The following ZNF277 variants were observed in gnomAD, a reference collection of about 807,000 sequenced individuals.
The protein encoded by ZNF277 is zinc finger protein 277.
Under a neutral mutation model 60.7 loss-of-function variants are expected in ZNF277, and 55 were observed. That is an observed-to-expected ratio of 0.91 (90% confidence interval 0.73 to 1.13). The LOEUF (loss-of-function observed/expected upper bound fraction) is 1.13, where lower values mean the gene tolerates loss of function less well. Ranked by LOEUF, ZNF277 falls within the 50% of genes most tolerant of loss-of-function variation. The pLI is 0.00. For missense variants in ZNF277, 510 were observed against 523.0 expected (o/e 0.98, Z 0.24); for synonymous variants, 178 against 179.3 (o/e 0.99, Z 0.06).
intron 4 of ZNF277, among the ~76,000 whole-genome samples, chr7:112,303,762 G>A (rs1348661953): frequency 6.6e-6 from 1 of 151,950 alleles, no homozygotes; most frequent in East Asian, 1.9e-4. Flanking sequence ...CCATGTGAAT[G>A]TTTAAATTCG....
intron 3 of ZNF277, 111 bp from the exon 4 acceptor site, chr7:112,296,118 C>A: frequency 1.0e-6 from 1 of 986,434 alleles, no homozygotes; most frequent in Non-Finnish European, 1.6e-6. Flanking sequence ...CAGTTCTATG[C>A]CAAAGAGATC....
chr7:112,335,063 A>T (rs1793303638), intron 7 of ZNF277, among the ~76,000 whole-genome samples: 1 of 152,058 alleles, frequency 6.6e-6, no homozygotes. Flanking sequence ...TGAATAATGG[A>T]TTTTCTTTCT....
intron 1 of ZNF277, among the ~76,000 whole-genome samples, chr7:112,238,831 G>A (rs554609967): frequency 8.7e-5 from 13 of 150,060 alleles, no homozygotes; most frequent in African/African-American, 1.2e-4. Context: ...TTTAGAGAGC[G>A]GGTGGTGTTA....
intron 1 of ZNF277, among the ~76,000 whole-genome samples, chr7:112,227,931 T>C (rs1371897695): frequency 6.6e-6 from 1 of 152,096 alleles, no homozygotes; most frequent in East Asian, 1.9e-4. Flanking sequence ...TGTTTGTTTC[T>C]TGGGGTTGCC....
chr7:112,280,718 C>T lies in ZNF277; in HGVS notation c.92-6155C>T, dbSNP rs181779096. Reference sequence around the variant, plus strand: ...TCAGCTCACTGCAACTTCTGCTCCCCGGGTTCAAGCAATTCTCCTGCCTCA... The same window carrying T: ...TCAGCTCACTGCAACTTCTGCTCCCTGGGTTCAAGCAATTCTCCTGCCTCA... On this transcript the variant is annotated intron_variant, in intron 1 of 11. Coordinates refer to ENST00000361822, the MANE Select transcript of ZNF277 (RefSeq NM_021994.3). 2.6e-4 allele frequency among the ~76,000 whole-genome samples: 40 copies of T among 152,094 alleles called. 1 individual carries two copies. In the South Asian group the frequency reaches 6.0e-3, roughly 23 times the overall value.
At chr7:112,290,091 G>A (rs942350121) in intron 2 of ZNF277, among the ~76,000 whole-genome samples, 7 of 152,160 alleles carry the variant, frequency 4.6e-5, no homozygotes, top group Non-Finnish European at 7.3e-5. Flanking sequence ...CTCCTGAAGT[G>A]TTGGGATTAC....
At position 112,287,043 on chromosome 7, in the gene ZNF277, G is replaced by A; in HGVS notation, c.262G>A (p.Ala88Thr). Residue 88 changes from alanine to threonine, a missense_variant, in exon 2 of 12, where the codon GCT becomes ACT. Ala to Thr is a moderately conservative substitution (Grantham distance 58, BLOSUM62 0). Coordinates refer to ENST00000361822, the MANE Select transcript of ZNF277 (RefSeq NM_021994.3). ...HMIIEHKIVI[A>T]DVKLVADFQR... ...GATTATTGAGCATAAGATTGTCATA[G>A]CTGATGTCAAGTTGGTTGCTGATTT... 1.2e-6 allele frequency: 2 copies of A among 1,613,984 alleles called. No homozygotes were observed. The highest frequency in any genetic ancestry group is 1.7e-6 in the Non-Finnish European group (2 of 1,179,952).
chr7:112,314,987 T>C (rs1302196097), intron 4 of ZNF277, among the ~76,000 whole-genome samples: 1 of 152,124 alleles, frequency 6.6e-6, no homozygotes, highest in Non-Finnish European at 1.5e-5. Context: ...TTTTTAAAGG[T>C]TCATTTACAG....
intron 1 of ZNF277, among the ~76,000 whole-genome samples, chr7:112,265,768 A>C (rs907416141): frequency 6.6e-6 from 1 of 152,176 alleles, no homozygotes; most frequent in Non-Finnish European, 1.5e-5. Context: ...TTTTACAGTG[A>C]ACTATGTGTT....
intron 1 of ZNF277, 31 bp from the exon 2 acceptor site, chr7:112,286,837 CTTTCT>C (rs1792073750): frequency 2.8e-6 from 3 of 1,085,278 alleles, no homozygotes; most frequent in African/African-American, 3.9e-5. Flanking sequence ...GCTTTTCTTT[CTTTCT>C]TTTTTTTTTT....
chr7:112,334,586 C>T (rs1793294417), intron 7 of ZNF277, among the ~76,000 whole-genome samples: 2 of 151,994 alleles, frequency 1.3e-5, no homozygotes. Context: ...GCTGTGTGGC[C>T]TAGATAACTC....
intron 1 of ZNF277, among the ~76,000 whole-genome samples, chr7:112,267,625 T>C (rs1314403034): frequency 6.6e-6 from 1 of 152,224 alleles, no homozygotes; most frequent in African/African-American, 2.4e-5. Context: ...CTCTTTCTCT[T>C]GCCTACTTCT....
chr7:112,339,146 A>C (rs1424829616), intron 9 of ZNF277, among the ~76,000 whole-genome samples: 1 of 152,252 alleles, frequency 6.6e-6, no homozygotes, highest in Non-Finnish European at 1.5e-5. Context: ...TGTGGGGCAA[A>C]GAACCTATAT....
intron 2 of ZNF277, among the ~76,000 whole-genome samples, chr7:112,292,494 C>G (rs189578612): frequency 6.6e-6 from 1 of 152,156 alleles, no homozygotes; most frequent in East Asian, 1.9e-4. Context: ...TGTCAAAAAG[C>G]ATTCTATGTG....
rs1793487641 is a variant in ZNF277 at position 112,343,793 on chromosome 7, G to C, written c.*1064G>C. On this transcript the variant is annotated 3_prime_UTR_variant, in exon 12 of 12. Transcript: ENST00000361822. ...ATACACAGATTAGCCAGGCATGGTGGAATGCACCTATAGTCCCAGCTACTT... is the reference window on the plus strand; with the variant it reads ...ATACACAGATTAGCCAGGCATGGTGCAATGCACCTATAGTCCCAGCTACTT... Among the ~76,000 whole-genome samples, 1 of 151,934 alleles carries C rather than the reference G, an allele frequency of 6.6e-6. No homozygotes were observed.
intron 7 of ZNF277, among the ~76,000 whole-genome samples, chr7:112,334,049 A>C (rs1330439402): frequency 2.0e-5 from 3 of 152,334 alleles, no homozygotes; most frequent in Admixed American, 6.5e-5. Flanking sequence ...TAAAGTATAC[A>C]AAGCCACTTA....
intron 1 of ZNF277, among the ~76,000 whole-genome samples, chr7:112,273,656 G>A (rs2117042053): frequency 6.6e-6 from 1 of 152,256 alleles, no homozygotes; most frequent in South Asian, 2.1e-4. Flanking sequence ...ACATTCTAAA[G>A]TTGTGTTAGG....
intron 5 of ZNF277, among the ~76,000 whole-genome samples, chr7:112,323,317 A>C (rs2117119681): frequency 6.6e-6 from 1 of 152,204 alleles, no homozygotes; most frequent in East Asian, 1.9e-4. Flanking sequence ...TGTTTGCTGC[A>C]ATTAGTATTG....
intron 7 of ZNF277, among the ~76,000 whole-genome samples, chr7:112,335,795 GT>G (rs1350255459): frequency 6.6e-6 from 1 of 152,072 alleles, no homozygotes. Flanking sequence ...CTCATTCAGG[GT>G]TTAGAAACAC....
Sources: allele counts gnomAD v4.1 joint callset (sites outside exome capture counted in the v4.1 genomes callset), GRCh38; gene constraint gnomAD v4.1.1; transcripts MANE v1.5; gene names NCBI Gene and HGNC (gene_info 2026-07-23, HGNC 2026-07-21).